SEMA6A: variants seen among roughly 807,000 people sequenced by gnomAD.
SEMA6A encodes the protein semaphorin-6A.
SEMA6A carries 25 observed loss-of-function variants against 96.8 expected under a neutral mutation model. The ratio of observed to expected loss-of-function variants is 0.26; its 90% CI spans 0.19 to 0.36. The LOEUF is 0.36. SEMA6A is among the 10% of genes least tolerant of loss of function. The probability of loss-of-function intolerance (pLI) is 1.00; values close to 1 mark genes in which losing one functional copy is unlikely to be tolerated. For synonymous variants in SEMA6A, 612 were observed against 518.0 expected, an observed-to-expected ratio of 1.18 and a Z score of -2.46; for missense variants, 1,363 against 1,323.1, an observed-to-expected ratio of 1.03 and a Z score of -0.47.
At chr5:116,516,997 C>T (rs1758698173) in intron 1 of SEMA6A, among the ~76,000 whole-genome samples, 1 of 152,040 alleles carries the variant, frequency 6.6e-6, no homozygotes, top group Non-Finnish European at 1.5e-5. Flanking sequence ...ATTTGCTATC[C>T]CCTGTTTCTC....
chr5:116,520,344 C>T (rs1247451386), intron 1 of SEMA6A, among the ~76,000 whole-genome samples: 4 of 140,548 alleles, frequency 2.8e-5, no homozygotes, highest in African/African-American at 5.4e-5. Context: ...GTCTGTTCCT[C>T]CCCTCCACTA....
intron 1 of SEMA6A, among the ~76,000 whole-genome samples, chr5:116,544,731 G>C (rs1023544130): frequency 6.6e-6 from 1 of 152,122 alleles, no homozygotes; most frequent in African/African-American, 2.4e-5. Flanking sequence ...AAGGTGAAGT[G>C]GCAGAGGATT....
intron 1 of SEMA6A, among the ~76,000 whole-genome samples, chr5:116,558,861 G>A (rs1489426196): frequency 1.3e-5 from 2 of 152,236 alleles, no homozygotes; most frequent in Non-Finnish European, 2.9e-5. Flanking sequence ...GGCAATTTAA[G>A]AGACAAACAC....
At chr5:116,536,679 G>A (rs945628829) in intron 1 of SEMA6A, among the ~76,000 whole-genome samples, 1 of 152,036 alleles carries the variant, frequency 6.6e-6, no homozygotes, top group Admixed American at 6.6e-5. Context: ...AAAGGCCCCC[G>A]ATCTTCCACA....
At chr5:116,451,375 C>T (rs1255857283) in intron 18 of SEMA6A, among the ~76,000 whole-genome samples, 1 of 152,142 alleles carries the variant, frequency 6.6e-6, no homozygotes, top group Non-Finnish European at 1.5e-5. Context: ...AGGAGTAGAC[C>T]TGTGCTTCCA....
In SEMA6A at chr5:116,473,812, G is replaced by A. The variant is rs556671910; in HGVS notation, c.1709-719C>T. On this transcript the variant is annotated intron_variant, in intron 16 of 18. Transcript: ENST00000343348. ...GTAGTTCATGCTTCAGCAGGAACAC[G>A]GGGAGAGGAGAAGCCATGAGCAAAG... 6.6e-5 allele frequency among the ~76,000 whole-genome samples: 10 copies of A among 152,298 alleles called. No individual in the cohort carries two copies. The South Asian group carries it at 1.9e-3, about 28-fold the overall frequency.
chr5:116,448,468 G>A (rs1272140313), intron 18 of SEMA6A, among the ~76,000 whole-genome samples: 1 of 152,072 alleles, frequency 6.6e-6, no homozygotes, highest in Non-Finnish European at 1.5e-5. Context: ...CTTCTTTATG[G>A]CTTTTTAACC....
intron 1 of SEMA6A, chr5:116,550,637 C>T (rs904995530): frequency 2.6e-5 from 4 of 152,194 alleles, no homozygotes; most frequent in Non-Finnish European, 5.9e-5. Flanking sequence ...TTCCACAGCA[C>T]ACAGGTTCTC....
chr5:116,492,888 C>A (rs990337196), intron 6 of SEMA6A, among the ~76,000 whole-genome samples: 4 of 152,184 alleles, frequency 2.6e-5, no homozygotes, highest in Admixed American at 2.6e-4. Flanking sequence ...GCACTTAAGA[C>A]AGAAGCTGTC....
Position 116,488,875 on chromosome 5 carries a change from A to T in SEMA6A, c.655+13T>A. ...CTCCCCTCCGACCCTCCTTCTTTTAATTGTTTGTTCACCTTTCAACCATTT... is the reference window on the plus strand; with the variant it reads ...CTCCCCTCCGACCCTCCTTCTTTTATTTGTTTGTTCACCTTTCAACCATTT... On this transcript the variant is annotated intron_variant, in intron 8 of 18. Coordinates refer to ENST00000343348, the MANE Select transcript of SEMA6A (RefSeq NM_020796.5). 6.4e-7 allele frequency: 1 copy of T among 1,552,456 alleles called. No homozygotes were observed. Among genetic ancestry groups the T allele is most frequent in the South Asian group, 1.2e-5 (1 of 83,676 alleles).
intron 1 of SEMA6A, among the ~76,000 whole-genome samples, chr5:116,570,344 T>TGG (rs138889764): frequency 0.16 from 24,155 of 151,016 alleles, 2,183 homozygotes; most frequent in East Asian, 0.23. Flanking sequence ...CCCAAGAGAG[T>TGG]GGGGGGGGTT....
chr5:116,502,102 C>A, intron 3 of SEMA6A, 108 bp downstream of exon 3: 3 of 777,962 alleles, frequency 3.9e-6, no homozygotes, highest in South Asian at 1.8e-5. Flanking sequence ...AGTTAAATAA[C>A]ACTCTATTTA....
intron 1 of SEMA6A, among the ~76,000 whole-genome samples, chr5:116,570,998 T>A (rs989776537): frequency 3.3e-5 from 5 of 152,238 alleles, no homozygotes; most frequent in Non-Finnish European, 5.9e-5. Flanking sequence ...ATGTGTTTAA[T>A]GTTGGAAAAA....
At chr5:116,538,636 A>T (rs78172589) in intron 1 of SEMA6A, among the ~76,000 whole-genome samples, 521 of 152,312 alleles carry the variant, frequency 3.4e-3, no homozygotes, top group African/African-American at 0.012. Context: ...ATCTGTCCTT[A>T]AACTCATTAT....
At chr5:116,450,879 G>C (rs1368887475) in intron 18 of SEMA6A, among the ~76,000 whole-genome samples, 1 of 152,134 alleles carries the variant, frequency 6.6e-6, no homozygotes, top group Non-Finnish European at 1.5e-5. Flanking sequence ...TAAGGTAAAC[G>C]TTATTTTTGG....
intron 18 of SEMA6A, among the ~76,000 whole-genome samples, chr5:116,455,314 G>A (rs1026000863): frequency 2.0e-5 from 3 of 152,188 alleles, no homozygotes; most frequent in African/African-American, 7.2e-5. Context: ...GCCCTGGAAT[G>A]CTGGTTTGTG....
intron 1 of SEMA6A, chr5:116,554,846 G>C (rs988410219): frequency 1.3e-5 from 2 of 152,178 alleles, no homozygotes; most frequent in Admixed American, 6.5e-5. Flanking sequence ...AGGCAGGCTT[G>C]GGCGTTGAGA....
intron 1 of SEMA6A, among the ~76,000 whole-genome samples, chr5:116,547,041 A>T (rs1487084311): frequency 1.3e-5 from 2 of 152,062 alleles, no homozygotes; most frequent in East Asian, 1.9e-4. Context: ...TTTTTTCCTT[A>T]GGCTTATTGT....
rs749218232 is a variant in SEMA6A, at chr5:116,478,699, C to T, written c.1270G>A (p.Ala424Thr). 17 of 1,612,350 alleles carry T rather than the reference C, an allele frequency of 1.1e-5. No homozygotes were observed. The South Asian group carries it at 1.7e-4, about 16-fold the overall frequency. The change falls in exon 13 of 19, where the codon GCA (alanine) becomes ACA (threonine). Residue 424 changes from alanine to threonine, a missense_variant. Coordinates refer to ENST00000343348, the MANE Select transcript of SEMA6A (RefSeq NM_020796.5). ...TMVRYRLTKI[A>T]VDTAAGPYQN... ...TATGGCCCAGCAGCTGTGTCCACTG[C>T]AATTTTGGTAAGGCGGTATCTAAAA...
Sources: allele counts gnomAD v4.1 joint callset (sites outside exome capture counted in the v4.1 genomes callset), GRCh38; gene constraint gnomAD v4.1.1; transcripts MANE v1.5; gene names NCBI Gene and HGNC (gene_info 2026-07-23, HGNC 2026-07-21).